FUT8: variants seen among roughly 807,000 people sequenced by gnomAD.
The protein encoded by FUT8 is fucosyltransferase 8.
In FUT8, 29 loss-of-function variants were observed where a neutral mutation model predicts 71.3. The ratio of observed to expected loss-of-function variants is 0.41; its 90% CI spans 0.30 to 0.55. The LOEUF (loss-of-function observed/expected upper bound fraction) is 0.55. Ranked by LOEUF, FUT8 falls within the 20% of genes least tolerant of loss-of-function variation. The probability of loss-of-function intolerance (pLI) is 0.34; values close to 1 mark genes in which losing one functional copy is unlikely to be tolerated. For synonymous variants in FUT8, 254 were observed against 239.3 expected (o/e 1.06, Z -0.57); for missense variants, 544 against 702.1 (o/e 0.77, Z 2.55).
intron 2 of FUT8, among the ~76,000 whole-genome samples, chr14:65,560,042 G>A (rs1594769678): frequency 6.6e-6 from 1 of 152,102 alleles, no homozygotes; most frequent in African/African-American, 2.4e-5. Context: ...AGGAAGTAGA[G>A]TGTTTCTAGG....
chr14:65,721,577 A>C (rs1348221925), intron 7 of FUT8, among the ~76,000 whole-genome samples, 198 bp from the exon 8 acceptor site: 1 of 152,224 alleles, frequency 6.6e-6, no homozygotes, highest in Non-Finnish European at 1.5e-5. Context: ...TGAGAGATAG[A>C]CTAACCTGCA....
At chr14:65,503,032 A>G (rs1174416970) in intron 2 of FUT8, among the ~76,000 whole-genome samples, 1 of 152,220 alleles carries the variant, frequency 6.6e-6, no homozygotes, top group Non-Finnish European at 1.5e-5. Context: ...GTGAGTGATC[A>G]TAAAGTAAGA....
At chr14:65,531,746 T>C (rs1455826718) in intron 2 of FUT8, among the ~76,000 whole-genome samples, 3 of 152,168 alleles carry the variant, frequency 2.0e-5, no homozygotes, top group Admixed American at 6.6e-5. Context: ...CCAATAGTTA[T>C]GTTTTCTGTT....
chr14:65,528,302 T>G (rs1359242516), intron 2 of FUT8, among the ~76,000 whole-genome samples: 1 of 152,200 alleles, frequency 6.6e-6, no homozygotes, highest in Non-Finnish European at 1.5e-5. Context: ...CTCAGACTGC[T>G]GTGCTAGCAA....
rs563851909 is a variant in FUT8 at position 65,635,098 on chromosome 14, G to A, written c.597+5492G>A. Among the ~76,000 whole-genome samples the A allele has an allele frequency of 2.6e-5, 4 of 151,722 alleles. No homozygotes were observed. The South Asian group carries it at 6.2e-4, about 24-fold the overall frequency. ...ATTTTATTTTATTTTTATTTTTTGC[G>A]GCTTTTATAAAAGGGGTTGAGTTCT... On this transcript the variant is annotated intron_variant, in intron 6 of 10. Coordinates refer to ENST00000673929, the MANE Select transcript of FUT8 (RefSeq NM_001371533.1).
At chr14:65,482,324 GTCTT>G (rs1351163810) in intron 2 of FUT8, among the ~76,000 whole-genome samples, 1 of 151,118 alleles carries the variant, frequency 6.6e-6, no homozygotes, top group Non-Finnish European at 1.5e-5. Flanking sequence ...TGACCTCTTT[GTCTT>G]TCTTTTTTTT....
chr14:65,714,855 G>A (rs1056192824), intron 7 of FUT8, among the ~76,000 whole-genome samples: 3 of 151,996 alleles, frequency 2.0e-5, no homozygotes, highest in African/African-American at 7.3e-5. Flanking sequence ...TTGTAAATTG[G>A]ATTATGTTTT....
At chr14:65,391,519 C>A in the FUT8 span, among the ~76,000 whole-genome samples, 1 of 152,196 alleles carries the variant, frequency 6.6e-6, no homozygotes, top group South Asian at 2.1e-4. Context: ...CCAAACTCAG[C>A]TATTTTTTGT....
chr14:65,389,009 T>C, the FUT8 span, among the ~76,000 whole-genome samples: 1 of 150,804 alleles, frequency 6.6e-6, no homozygotes, highest in Admixed American at 6.6e-5. Flanking sequence ...TACATACATA[T>C]TTATATATTT....
Position 65,607,983 on chromosome 14 carries a change from T to C in FUT8, c.204-7995T>C, listed in dbSNP as rs1888670105. Among the ~76,000 whole-genome samples, 1 of 148,406 alleles carries C rather than the reference T, an allele frequency of 6.7e-6. No individual in the cohort carries two copies. The stretch of plus-strand genomic sequence containing the variant: ...GGGAAGCTGAGGCAGGAGAATCACT[T>C]GAACCCGGGAGGCAGAGGTTGCAGT... On this transcript the variant is annotated intron_variant, in intron 3 of 10. Transcript: ENST00000673929. The surrounding 1 kb of genome is among the most constrained non-coding windows in gnomAD (Gnocchi z 4.1).
chr14:65,514,187 T>TAA (rs1882548068), intron 2 of FUT8, among the ~76,000 whole-genome samples: 1 of 151,198 alleles, frequency 6.6e-6, no homozygotes, highest in East Asian at 2.0e-4. Context: ...CCCAGTTGTC[T>TAA]TTATCAGGCA....
chr14:65,414,956 T>G (rs886187304), intron 1 of FUT8, among the ~76,000 whole-genome samples: 5 of 152,178 alleles, frequency 3.3e-5, no homozygotes, highest in African/African-American at 1.2e-4. Flanking sequence ...CCTGAAGTTG[T>G]TTTCCTACAA....
intron 1 of FUT8, among the ~76,000 whole-genome samples, chr14:65,435,801 T>G (rs1452986868): frequency 2.0e-5 from 3 of 151,956 alleles, no homozygotes; most frequent in Non-Finnish European, 4.4e-5. Flanking sequence ...TTTCTTTTTT[T>G]TTTTTTTAAT....
At chr14:65,675,333 C>T (rs962957957) in intron 7 of FUT8, among the ~76,000 whole-genome samples, 5 of 152,186 alleles carry the variant, frequency 3.3e-5, no homozygotes, top group African/African-American at 4.8e-5. Context: ...TAGAGATTTG[C>T]AACCTACCAG....
intron 2 of FUT8, among the ~76,000 whole-genome samples, chr14:65,460,531 T>C (rs775144486): frequency 1.3e-5 from 2 of 152,170 alleles, no homozygotes; most frequent in East Asian, 1.9e-4. Context: ...GTAAAAAATA[T>C]GGTACTCTGT....
chr14:65,465,123 A>G (rs2066023918), intron 2 of FUT8, among the ~76,000 whole-genome samples: 1 of 152,014 alleles, frequency 6.6e-6, no homozygotes, highest in Admixed American at 6.5e-5. Context: ...ACCAGCTTTG[A>G]GTCTTGTTGA....
At chr14:65,706,412 T>G (rs1281498961) in intron 7 of FUT8, among the ~76,000 whole-genome samples, 1 of 152,150 alleles carries the variant, frequency 6.6e-6, no homozygotes, top group Non-Finnish European at 1.5e-5. Context: ...CGATCTCCCC[T>G]TTGCTAAGGG....
chr14:65,406,695 C>A (rs2065090080), upstream of FUT8, among the ~76,000 whole-genome samples: 1 of 152,098 alleles, frequency 6.6e-6, no homozygotes, highest in Admixed American at 6.6e-5. Context: ...ACTACCACGC[C>A]CAGCTAATTT....
At chr14:65,683,339 A>G (rs891165827) in intron 7 of FUT8, among the ~76,000 whole-genome samples, 29 of 152,196 alleles carry the variant, frequency 1.9e-4, no homozygotes, top group Non-Finnish European at 3.8e-4. Flanking sequence ...GGAATTCAGC[A>G]TGTAATTTTA....
Sources: gnomAD v4.1 joint callset for allele counts (sites outside exome capture counted in the v4.1 genomes callset) on GRCh38, gnomAD v4.1.1 for gene constraint, Gnocchi (gnomAD v3.1) non-coding constraint, MANE v1.5 for transcripts, NCBI Gene and HGNC (gene_info 2026-07-23, HGNC 2026-07-21) for gene names.